Variants in ULK4 observed in about 807,000 individuals in gnomAD.
ULK4 encodes the protein unc-51 like kinase 4, also known as inactive serine/threonine-protein kinase ULK4.
Under a neutral mutation model 160.6 loss-of-function variants are expected in ULK4, and 133 were observed. That is an observed-to-expected ratio of 0.83 (90% CI 0.72 to 0.96). ULK4 has a LOEUF of 0.96. ULK4 is among the 40% of genes least tolerant of loss of function. The pLI is 0.00. For synonymous variants in ULK4, 534 were observed against 539.8 expected, an observed-to-expected ratio of 0.99 and a Z score of 0.15; for missense variants, 1,580 against 1,499.5, an observed-to-expected ratio of 1.05 and a Z score of -0.89.
chr3:41,701,505 C>A (rs999184074), intron 27 of ULK4, among the ~76,000 whole-genome samples: 2 of 152,088 alleles, frequency 1.3e-5, no homozygotes, highest in African/African-American at 4.8e-5. Context: ...AGCAAAATAT[C>A]CCTCAAGGAA....
intron 19 of ULK4, among the ~76,000 whole-genome samples, chr3:41,803,125 C>T (rs1012731368): frequency 2.7e-5 from 4 of 148,784 alleles, no homozygotes; most frequent in Non-Finnish European, 4.4e-5. Flanking sequence ...GAGCCAAGAT[C>T]GCACCACTGC....
chr3:41,931,331 G>A (rs1699590761), intron 5 of ULK4, among the ~76,000 whole-genome samples: 1 of 151,898 alleles, frequency 6.6e-6, no homozygotes, highest in Admixed American at 6.6e-5. Flanking sequence ...GGGCCTGTCA[G>A]GGGGTAGGGG....
At chr3:41,790,862 T>C (rs2040131146) in intron 20 of ULK4, among the ~76,000 whole-genome samples, 1 of 152,198 alleles carries the variant, frequency 6.6e-6, no homozygotes, top group Admixed American at 6.5e-5. Flanking sequence ...CATGATGATA[T>C]TCTGTGTGTA....
chr3:41,312,735 G>C (rs1414662890), intron 35 of ULK4, among the ~76,000 whole-genome samples: 1 of 152,114 alleles, frequency 6.6e-6, no homozygotes, highest in African/African-American at 2.4e-5. Context: ...TTGAGCCCAG[G>C]GATTTGAGGT....
intron 35 of ULK4, among the ~76,000 whole-genome samples, chr3:41,270,240 C>G (rs1482380918): frequency 1.3e-5 from 2 of 152,192 alleles, no homozygotes; most frequent in East Asian, 3.9e-4. Context: ...GGATACAAAC[C>G]CCTAACCAGG....
At chr3:41,628,599 A>T (rs2033622914) in intron 30 of ULK4, among the ~76,000 whole-genome samples, 1 of 152,230 alleles carries the variant, frequency 6.6e-6, no homozygotes, top group Admixed American at 6.5e-5. Flanking sequence ...AAGGCTGAGG[A>T]ACTGTTCCAG....
At chr3:41,615,637 T>C (rs2032926784) in intron 31 of ULK4, 32 bp downstream of exon 31, 1 of 1,606,164 alleles carries the variant, frequency 6.2e-7, no homozygotes, top group Non-Finnish European at 8.5e-7. Flanking sequence ...CAAAATTTCA[T>C]TTGAATTTCA....
chr3:41,490,211 G>C (rs2084699818), intron 32 of ULK4, among the ~76,000 whole-genome samples: 1 of 152,054 alleles, frequency 6.6e-6, no homozygotes, highest in South Asian at 2.1e-4. Context: ...TCACATGATT[G>C]GGGCAGCTAA....
chr3:41,652,932 C>T (rs1187876797), intron 30 of ULK4, among the ~76,000 whole-genome samples: 2 of 152,148 alleles, frequency 1.3e-5, no homozygotes, highest in Non-Finnish European at 2.9e-5. Context: ...TTAGGACACA[C>T]AAATTACTGC....
chr3:41,327,390 C>G (rs1226189244), intron 35 of ULK4, among the ~76,000 whole-genome samples: 5 of 152,114 alleles, frequency 3.3e-5, no homozygotes, highest in African/African-American at 1.2e-4. Context: ...TAGTCTCTCT[C>G]ATTTTTTTCC....
chr3:41,443,483 AC>A, intron 34 of ULK4, among the ~76,000 whole-genome samples: 1 of 152,216 alleles, frequency 6.6e-6, no homozygotes, highest in East Asian at 1.9e-4. Flanking sequence ...AAGTGAAATG[AC>A]TAGTCACTAA....
intron 2 of ULK4, among the ~76,000 whole-genome samples, chr3:41,953,397 G>A (rs1055575980): frequency 3.3e-5 from 5 of 149,344 alleles, no homozygotes; most frequent in African/African-American, 9.9e-5. Flanking sequence ...CTGCCTCCCC[G>A]GTTCAAGCGG....
In ULK4 at chr3:41,422,751, TG is replaced by T. The variant is rs554599333; in HGVS notation, c.3493-24488del. On this transcript the variant is annotated intron_variant, in intron 34 of 36. Transcript: ENST00000301831. ...TACACTGTTTAATTAGAGTATAAAC[TG>T]TTAGAATCTTTTGAGAAGTTATATG... Among the ~76,000 whole-genome samples the T allele has an allele frequency of 2.5e-3, 380 of 152,294 alleles. 2 individuals carry two copies. Among genetic ancestry groups the T allele is most frequent in the Admixed American group, 5.4e-3 (83 of 15,300 alleles).
At chr3:41,890,275 T>C (rs1697871695) in intron 16 of ULK4, among the ~76,000 whole-genome samples, 1 of 151,848 alleles carries the variant, frequency 6.6e-6, no homozygotes. Context: ...CAAAAGAAAA[T>C]TTAAAAGAAA....
intron 18 of ULK4, among the ~76,000 whole-genome samples, chr3:41,832,146 A>C (rs927685684): frequency 6.6e-6 from 1 of 152,198 alleles, no homozygotes; most frequent in Non-Finnish European, 1.5e-5. Context: ...GAACCAATGT[A>C]CATTCCCACC....
intron 30 of ULK4, among the ~76,000 whole-genome samples, chr3:41,662,943 G>A (rs961085063): frequency 5.3e-5 from 8 of 151,906 alleles, no homozygotes; most frequent in Non-Finnish European, 1.2e-4. Flanking sequence ...TATGTCGGCC[G>A]GGCGGGGTGG....
intron 32 of ULK4, among the ~76,000 whole-genome samples, chr3:41,527,367 T>C (rs1361509324): frequency 1.3e-5 from 2 of 152,268 alleles, no homozygotes; most frequent in Non-Finnish European, 2.9e-5. Flanking sequence ...ATTTCTGTGA[T>C]GCTTACTATG....
chr3:41,374,158 CA>C lies in ULK4; in HGVS notation c.3678+23920del, dbSNP rs1003017484. 6.6e-5 allele frequency among the ~76,000 whole-genome samples: 10 copies of C among 152,096 alleles called. 1 individual carries two copies. Among genetic ancestry groups the C allele is most frequent in the African/African-American group, 2.4e-4 (10 of 41,532 alleles). On this transcript the variant is annotated intron_variant, in intron 35 of 36. Transcript: ENST00000301831. ...AGGCAGTAATTAACAGCATTCCAAA[CA>C]AAAAAAGCCCAAGACTAGATAGATT...
In ULK4 at chr3:41,657,863, G is replaced by C. The variant is rs1003908945; in HGVS notation, c.3071+5744C>G. ...CACACCACTGATACCAAATAACTGG[G>C]GATGATCTCTAAAGTTAATGAGTTG... On this transcript the variant is annotated intron_variant, in intron 30 of 36. Coordinates refer to ENST00000301831, the MANE Select transcript of ULK4 (RefSeq NM_017886.4). 3.5e-5 allele frequency among the ~76,000 whole-genome samples: 5 copies of C among 142,896 alleles called. 1 individual carries two copies. The highest frequency in any genetic ancestry group is 1.4e-4 in the African/African-American group (5 of 35,812). The allele number at this position is 142,896 out of a possible 152,430, so 93.7% of individuals were successfully genotyped here.
Sources: allele counts gnomAD v4.1 joint callset (sites outside exome capture counted in the v4.1 genomes callset), GRCh38; gene constraint gnomAD v4.1.1; transcripts MANE v1.5; gene names NCBI Gene and HGNC (gene_info 2026-07-23, HGNC 2026-07-21).